The following UBE2J2 variants were observed in gnomAD, a reference collection of about 807,000 sequenced individuals.
UBE2J2 encodes ubiquitin conjugating enzyme E2 J2, also known as ubiquitin-conjugating enzyme E2 J2.
Under a neutral mutation model 28.6 loss-of-function variants are expected in UBE2J2, and 5 were observed. That is an observed-to-expected ratio of 0.17 (90% CI 0.09 to 0.37). UBE2J2 has a LOEUF of 0.37. UBE2J2 is among the 10% of genes least tolerant of loss of function. The pLI is 1.00. For missense variants in UBE2J2, 226 were observed against 338.9 expected (o/e 0.67, Z 2.62); for synonymous variants, 138 against 139.7 (o/e 0.99, Z 0.09).
chr1:1,269,198 G>A (rs976280593), intron 1 of UBE2J2, among the ~76,000 whole-genome samples: 1 of 147,222 alleles, frequency 6.8e-6, no homozygotes. Context: ...GAGGAGGCTG[G>A]ATCAGGGACC....
chr1:1,261,673 T>TG (rs1448484704), intron 3 of UBE2J2, among the ~76,000 whole-genome samples: 3 of 148,972 alleles, frequency 2.0e-5, no homozygotes, highest in Non-Finnish European at 4.5e-5. Flanking sequence ...TTTTTTGAGA[T>TG]GGAGTTTTGA....
Position 1,263,326 on chromosome 1 carries a change from C to T in UBE2J2, c.172+20G>A. On this transcript the variant is annotated intron_variant, in intron 3 of 6. Coordinates refer to ENST00000349431, the MANE Select transcript of UBE2J2 (RefSeq NM_058167.3). ...TATAAAAACCGCCTGGTGTTCTTCTCCTAAGCACAGAATCCTTACCTTCAT... is the reference window on the plus strand; with the variant it reads ...TATAAAAACCGCCTGGTGTTCTTCTTCTAAGCACAGAATCCTTACCTTCAT... The T allele has an allele frequency of 6.2e-7, 1 of 1,610,982 alleles. No individual in the cohort carries two copies. The highest frequency in any genetic ancestry group is 8.5e-7 in the Non-Finnish European group (1 of 1,177,350).
At chr1:1,261,154 G>T (rs1442484672) in intron 3 of UBE2J2, among the ~76,000 whole-genome samples, 1 of 152,256 alleles carries the variant, frequency 6.6e-6, no homozygotes, top group Non-Finnish European at 1.5e-5. Flanking sequence ...ATTCGGAGGG[G>T]TTCCCTGGAG....
Position 1,255,165 on chromosome 1 carries a change from G to A in UBE2J2, c.*38C>T, listed in dbSNP as rs1639095687. ...TGCCGAGGTCACGCTCTGGTGCGCG[G>A]TGCCCTCAGTGGCGCCTTGGGTCTC... On this transcript the variant is annotated 3_prime_UTR_variant, in exon 7 of 7. Coordinates refer to ENST00000349431, the MANE Select transcript of UBE2J2 (RefSeq NM_058167.3). 1.3e-6 allele frequency: 2 copies of A among 1,547,714 alleles called. No homozygotes were observed. The highest frequency in any genetic ancestry group is 1.8e-6 in the Non-Finnish European group (2 of 1,142,842).
intron 3 of UBE2J2, among the ~76,000 whole-genome samples, chr1:1,260,297 T>C (rs1035460958): frequency 6.6e-6 from 1 of 152,112 alleles, no homozygotes; most frequent in Non-Finnish European, 1.5e-5. Context: ...CAGGCTTGCT[T>C]AAAAGAGGAA....
intron 2 of UBE2J2, among the ~76,000 whole-genome samples, chr1:1,266,735 G>C (rs577572913): frequency 1.3e-5 from 2 of 152,120 alleles, no homozygotes; most frequent in African/African-American, 4.8e-5. Flanking sequence ...ACTGAGGCCA[G>C]AGAATGGCAT....
chr1:1,256,993 G>A lies in UBE2J2; in HGVS notation c.413C>T (p.Thr138Met), dbSNP rs1267827319. The A allele has an allele frequency of 1.3e-5, 20 of 1,541,946 alleles. No individual in the cohort carries two copies. The highest frequency in any genetic ancestry group is 4.8e-5 in the East Asian group (2 of 41,668). Residue 138 changes from threonine (T) to methionine (M), a missense_variant and splice_region_variant, in exon 5 of 7, where the codon ACG becomes ATG. Thr to Met is a moderately conservative substitution (Grantham distance 81, BLOSUM62 -1). Coordinates refer to ENST00000349431, the MANE Select transcript of UBE2J2 (RefSeq NM_058167.3). Reference sequence around the variant, plus strand: ...CCAGGGAGAGGCTCTAAAACTTACCGTGAAGTCCGACGTCTCTATACTGCC... The same window carrying A: ...CCAGGGAGAGGCTCTAAAACTTACCATGAAGTCCGACGTCTCTATACTGCC... ...TLGSIETSDF[T>M]KRQLAVQSLA...
At chr1:1,262,447 A>G in intron 3 of UBE2J2, 1 of 386,754 alleles carries the variant, frequency 2.6e-6, no homozygotes, top group Admixed American at 3.1e-5. Context: ...AAATGCCTTC[A>G]GGAGAGCCTT....
chr1:1,258,466 C>CA (rs911391102), intron 3 of UBE2J2, among the ~76,000 whole-genome samples: 12 of 151,988 alleles, frequency 7.9e-5, no homozygotes, highest in African/African-American at 2.9e-4. Flanking sequence ...CTCCAGCCAG[C>CA]CCCTCTTCGC....
chr1:1,269,092 C>T (rs1344403390), intron 1 of UBE2J2, among the ~76,000 whole-genome samples: 1 of 148,766 alleles, frequency 6.7e-6, no homozygotes, highest in South Asian at 2.1e-4. Flanking sequence ...GCATGGGGCG[C>T]GAGGCACCAT....
chr1:1,257,406 C>CCCCCCCCCCTA (rs1553154847), intron 3 of UBE2J2, 96 bp from the exon 4 acceptor site: 1 of 558,728 alleles, frequency 1.8e-6, no homozygotes, highest in African/African-American at 4.6e-5. Flanking sequence ...CCCCCCCCCC[C>CCCCCCCCCCTA]CCTCAGCTCG....
chr1:1,256,818 C>T (rs1639205187), intron 5 of UBE2J2, among the ~76,000 whole-genome samples, 174 bp downstream of exon 5: 2 of 139,326 alleles, frequency 1.4e-5, no homozygotes, highest in African/African-American at 5.4e-5. Flanking sequence ...CCCCGGGGGG[C>T]GGAGCTTGCA....
In UBE2J2 at chr1:1,257,275, C is replaced by G; in HGVS notation, c.208G>C (p.Glu70Gln). ...ATACTGGGAGGTTTGAAAGGAAATT[C>G]TCTGGGAAAAATTAGTTTTCCATGA... ...YYHGKLIFPR[E>Q]FPFKPPSIYM... Residue 70 changes from glutamate to glutamine, a missense_variant, in exon 4 of 7, where the codon GAA (glutamate) becomes CAA (glutamine). Coordinates refer to ENST00000349431, the MANE Select transcript of UBE2J2 (RefSeq NM_058167.3). 6.2e-7 allele frequency: 1 copy of G among 1,612,822 alleles called. No homozygotes were observed. The highest frequency in any genetic ancestry group is 8.5e-7 in the Non-Finnish European group (1 of 1,179,640).
chr1:1,261,490 TC>T (rs1639557724), intron 3 of UBE2J2, among the ~76,000 whole-genome samples: 1 of 152,256 alleles, frequency 6.6e-6, no homozygotes, highest in East Asian at 1.9e-4. Context: ...GAGCAGCTCA[TC>T]TCCACCAGCA....
intron 2 of UBE2J2, 41 bp from the exon 3 acceptor site, chr1:1,263,427 A>G: frequency 6.4e-7 from 1 of 1,561,300 alleles, no homozygotes; most frequent in Non-Finnish European, 8.8e-7. Context: ...TGAGGACAGC[A>G]AATTCTCCAA....
rs1303778894 is a variant in UBE2J2, at chr1:1,267,949, T to C, written c.44A>G (p.Gln15Arg). ...SSKRAPTTATQRLKQDYLRIK... is the reference protein window; with the variant it reads ...SSKRAPTTATRRLKQDYLRIK... ...GCGAAGGTAGTCCTGCTTCAGCCTC[T>C]GGGTTGCCGTGGTCGGAGCCCTCTT... Residue 15 changes from glutamine (Q) to arginine (R), a missense_variant, in exon 2 of 7, where the codon CAG becomes CGG. Coordinates refer to ENST00000349431, the MANE Select transcript of UBE2J2 (RefSeq NM_058167.3). 3 of 1,614,076 alleles carry C rather than the reference T, an allele frequency of 1.9e-6. No individual in the cohort carries two copies. Among genetic ancestry groups the C allele is most frequent in the Non-Finnish European group, 2.5e-6 (3 of 1,179,978 alleles).
At chr1:1,262,315 T>C (rs1639612616) in intron 3 of UBE2J2, 1 of 456,032 alleles carries the variant, frequency 2.2e-6, no homozygotes, top group Admixed American at 2.4e-5. Context: ...AATGACACGA[T>C]GATGGAGGGC....
intron 1 of UBE2J2, among the ~76,000 whole-genome samples, chr1:1,269,230 C>T (rs111800289): frequency 5.9e-5 from 8 of 135,002 alleles, no homozygotes; most frequent in South Asian, 5.0e-4. Flanking sequence ...CAGCCACACC[C>T]GAGACTGGGG....
Position 1,270,696 on chromosome 1 carries a change from A to G in UBE2J2, c.1-2704T>C, listed in dbSNP as rs547966123. Among the ~76,000 whole-genome samples the G allele has an allele frequency of 2.6e-5, 4 of 152,058 alleles. No homozygotes were observed. In the South Asian group the frequency reaches 6.2e-4, roughly 24 times the overall value. On this transcript the variant is annotated intron_variant, in intron 1 of 6. Coordinates refer to ENST00000349431, the MANE Select transcript of UBE2J2 (RefSeq NM_058167.3). ...CCCATTTCAAGGCCCTCCTGTACCC[A>G]TAAGTCAACATACTGTTCCGATCAC...
Sources: allele counts gnomAD v4.1 joint callset (sites outside exome capture counted in the v4.1 genomes callset), GRCh38; gene constraint gnomAD v4.1.1; transcripts MANE v1.5; gene names NCBI Gene and HGNC (gene_info 2026-07-23, HGNC 2026-07-21).